USH2A: variants seen among roughly 807,000 people sequenced by gnomAD.
USH2A encodes usherin.
Under a neutral mutation model 538.9 loss-of-function variants are expected in USH2A, and 443 were observed. The observed-to-expected ratio is 0.82, with a 90% CI of 0.76 to 0.89. The LOEUF (loss-of-function observed/expected upper bound fraction) is 0.89. Among genes scored for constraint, USH2A ranks in the 40% least tolerant of loss-of-function variants. The pLI is 0.00. For missense variants in USH2A, 6,633 were observed against 6,324.8 expected, an observed-to-expected ratio of 1.05 and a Z score of -1.65; for synonymous variants, 2,413 against 2,273.5, an observed-to-expected ratio of 1.06 and a Z score of -1.75.
intron 3 of USH2A, among the ~76,000 whole-genome samples, chr1:216,403,855 G>A (rs2039347946): frequency 6.6e-6 from 1 of 152,110 alleles, no homozygotes; most frequent in East Asian, 1.9e-4. Context: ...TTTCCCACAT[G>A]CTGTTCTCAT....
chr1:216,422,562 C>T (rs1369762740), intron 1 of USH2A, 22 bp from the exon 2 acceptor site: 2 of 557,748 alleles, frequency 3.6e-6, no homozygotes, highest in East Asian at 3.4e-5. Context: ...AAACGTAGGG[C>T]GTCAAGGGAA....
intron 32 of USH2A, among the ~76,000 whole-genome samples, chr1:216,031,574 A>C (rs1669125293): frequency 6.6e-6 from 1 of 152,166 alleles, no homozygotes; most frequent in Non-Finnish European, 1.5e-5. Flanking sequence ...TATGCCTGCT[A>C]AATGGAGAAA....
At chr1:215,670,362 T>C (rs915654584) in intron 64 of USH2A, among the ~76,000 whole-genome samples, 1 of 152,146 alleles carries the variant, frequency 6.6e-6, no homozygotes, top group African/African-American at 2.4e-5. Context: ...ACAAGAAGAA[T>C]GCAAATGGAC....
chr1:215,697,346 G>A (rs1217559630), intron 61 of USH2A, among the ~76,000 whole-genome samples: 1 of 152,012 alleles, frequency 6.6e-6, no homozygotes, highest in Non-Finnish European at 1.5e-5. Flanking sequence ...CTTGGCAAAG[G>A]CTGGTTAGGG....
intron 3 of USH2A, among the ~76,000 whole-genome samples, chr1:216,391,079 G>C (rs2039098896): frequency 6.6e-6 from 1 of 152,152 alleles, no homozygotes; most frequent in African/African-American, 2.4e-5. Flanking sequence ...TCACTGTCAA[G>C]AATACGCCCA....
intron 20 of USH2A, among the ~76,000 whole-genome samples, chr1:216,183,308 A>C (rs1157887806): frequency 6.6e-6 from 1 of 151,912 alleles, no homozygotes; most frequent in Non-Finnish European, 1.5e-5. Flanking sequence ...TAATGCCTCC[A>C]GCGATCTGGT....
At chr1:216,133,725 A>G (rs2033425018) in intron 21 of USH2A, among the ~76,000 whole-genome samples, 1 of 152,090 alleles carries the variant, frequency 6.6e-6, no homozygotes, top group Admixed American at 6.6e-5. Flanking sequence ...ATTTTTTCAC[A>G]TCTTAGAGAA....
intron 4 of USH2A, among the ~76,000 whole-genome samples, chr1:216,330,005 C>T (rs1423729331): frequency 6.6e-6 from 1 of 151,966 alleles, no homozygotes; most frequent in African/African-American, 2.4e-5. Flanking sequence ...TCTCAAAGAA[C>T]CCAGATCATA....
At chr1:215,975,816 AT>A (rs1667606437) in intron 35 of USH2A, among the ~76,000 whole-genome samples, 1 of 152,142 alleles carries the variant, frequency 6.6e-6, no homozygotes, top group Non-Finnish European at 1.5e-5. Flanking sequence ...TTTGGGTTCC[AT>A]ATGAATTTTA....
intron 55 of USH2A, among the ~76,000 whole-genome samples, chr1:215,769,942 T>C (rs1407433570): frequency 6.6e-6 from 1 of 152,188 alleles, no homozygotes; most frequent in Non-Finnish European, 1.5e-5. Flanking sequence ...TCAAGAGCTG[T>C]GTCTGTCCCT....
intron 4 of USH2A, among the ~76,000 whole-genome samples, chr1:216,336,503 T>C (rs2037977948): frequency 6.6e-6 from 1 of 151,320 alleles, no homozygotes; most frequent in Non-Finnish European, 1.5e-5. Context: ...TACTAAAATC[T>C]ATTAGGAATT....
chr1:215,984,632 C>T (rs1206573755), intron 35 of USH2A, among the ~76,000 whole-genome samples: 1 of 152,094 alleles, frequency 6.6e-6, no homozygotes, highest in Non-Finnish European at 1.5e-5. Context: ...CATATATAAC[C>T]AAGGAAATTC....
intron 61 of USH2A, among the ~76,000 whole-genome samples, chr1:215,716,841 G>C (rs1659501476): frequency 1.3e-5 from 2 of 152,214 alleles, no homozygotes; most frequent in African/African-American, 4.8e-5. Flanking sequence ...TGAGCCTGCT[G>C]TGCTAAGAAC....
chr1:216,384,098 G>A (rs1453974479), intron 3 of USH2A, among the ~76,000 whole-genome samples: 1 of 151,452 alleles, frequency 6.6e-6, no homozygotes, highest in Non-Finnish European at 1.5e-5. Flanking sequence ...TCTGTCCAGA[G>A]TGATTTTCCT....
At chr1:216,084,578 A>G in intron 25 of USH2A, 120 bp downstream of exon 25, 1 of 1,018,034 alleles carries the variant, frequency 9.8e-7, no homozygotes, top group African/African-American at 1.6e-5. Context: ...TGGAATAACT[A>G]AGTATTTCTG....
rs150046777 is a variant in USH2A, at chr1:216,307,115, A to C, written c.1645-14745T>G. 3.1e-3 allele frequency among the ~76,000 whole-genome samples: 465 copies of C among 152,106 alleles called. 1 individual carries two copies. Among genetic ancestry groups the C allele is most frequent in the African/African-American group, 0.011 (450 of 41,512 alleles). ...TGGATAAGTTTCTCAGGCGGTGGTC[A>C]GGGCCATAGAGCTCTCAAGAGATTA... On this transcript the variant is annotated intron_variant, in intron 9 of 71. Coordinates refer to ENST00000307340, the MANE Select transcript of USH2A (RefSeq NM_206933.4).
In USH2A at chr1:216,421,885, G is replaced by C. The variant is rs1374492311; in HGVS notation, c.452C>G (p.Ala151Gly). Residue 151 changes from alanine (A) to glycine (G), a missense_variant, in exon 2 of 72, where the codon GCT becomes GGT. Transcript: ENST00000307340. Reference sequence around the variant, plus strand: ...TTGTTGCTCAGGTTTCAGCCATACAGCTAAGGTAAATGATGCCATCAGCTT... The same window carrying C: ...TTGTTGCTCAGGTTTCAGCCATACACCTAAGGTAAATGATGCCATCAGCTT... ...SPKLMASFTL[A>G]VWLKPEQQGV... 6.2e-7 allele frequency: 1 copy of C among 1,613,930 alleles called. No homozygotes were observed. Among genetic ancestry groups the C allele is most frequent in the Non-Finnish European group, 8.5e-7 (1 of 1,179,904 alleles).
At chr1:216,113,121 T>G (rs2032914286) in intron 21 of USH2A, among the ~76,000 whole-genome samples, 1 of 140,322 alleles carries the variant, frequency 7.1e-6, no homozygotes, top group Non-Finnish European at 1.5e-5. Flanking sequence ...GATCATGCTT[T>G]ACAACCTCCA....
At chr1:215,925,806 G>A (rs1377746335) in intron 38 of USH2A, among the ~76,000 whole-genome samples, 1 of 152,072 alleles carries the variant, frequency 6.6e-6, no homozygotes, top group Non-Finnish European at 1.5e-5. Context: ...ATAAATCTAA[G>A]TGGATACAGA....
Sources: allele counts gnomAD v4.1 joint callset (sites outside exome capture counted in the v4.1 genomes callset), GRCh38; gene constraint gnomAD v4.1.1; transcripts MANE v1.5; gene names NCBI Gene and HGNC (gene_info 2026-07-23, HGNC 2026-07-21).